The following DSCAML1 variants were observed in gnomAD, a reference collection of about 807,000 sequenced individuals.
DSCAML1 encodes the protein cell adhesion molecule DSCAML1.
A neutral mutation model predicts 200.5 loss-of-function variants in DSCAML1; 38 were observed. That is an observed-to-expected ratio of 0.19 (90% CI 0.15 to 0.25). DSCAML1 has a LOEUF of 0.25. Ranked by LOEUF, DSCAML1 falls within the 10% of genes least tolerant of loss-of-function variation. The pLI is 1.00. For synonymous variants in DSCAML1, 1,215 were observed against 1,165.0 expected (o/e 1.04, Z -0.87); for missense variants, 2,223 against 2,858.8 (o/e 0.78, Z 5.07).
chr11:117,435,708 C>T lies in DSCAML1; in HGVS notation c.4812G>A (p.Leu1604=). 1 of 1,613,338 alleles carries T rather than the reference C, an allele frequency of 6.2e-7. No homozygotes were observed. The highest frequency in any genetic ancestry group is 8.5e-7 in the Non-Finnish European group (1 of 1,179,306). ...TIGCPVILAT[L]GVALLFIVRK... is the part of the protein sequence containing the mutation. ...GTACGATGAAGAGCAGTGCCACCCC[C>T]AGTGTGGCCAGGATGACAGGGCAGC... The change falls in exon 27 of 33, where the codon CTG becomes CTA. Residue 1604 remains leucine, a synonymous_variant. Coordinates refer to ENST00000651296, the MANE Select transcript of DSCAML1 (RefSeq NM_020693.4).
At chr11:117,665,979 C>G (rs1002181217) in intron 3 of DSCAML1, among the ~76,000 whole-genome samples, 1 of 152,236 alleles carries the variant, frequency 6.6e-6, no homozygotes, top group Non-Finnish European at 1.5e-5. Flanking sequence ...CCCTCTCTCT[C>G]TATTGCCTGC....
intron 3 of DSCAML1, among the ~76,000 whole-genome samples, chr11:117,693,494 A>AC (rs928466074): frequency 9.9e-5 from 15 of 151,912 alleles, no homozygotes; most frequent in Admixed American, 3.9e-4. Flanking sequence ...CAAGCCCTGC[A>AC]CCCCCCCATT....
At chr11:117,774,963 C>A (rs556092601) in intron 3 of DSCAML1, among the ~76,000 whole-genome samples, 9 of 152,078 alleles carry the variant, frequency 5.9e-5, no homozygotes, top group African/African-American at 2.2e-4. Flanking sequence ...ATAGTAAGCA[C>A]CCCCCAAATT....
intron 3 of DSCAML1, among the ~76,000 whole-genome samples, chr11:117,598,790 G>C (rs912098717): frequency 2.0e-5 from 3 of 152,152 alleles, no homozygotes; most frequent in African/African-American, 7.2e-5. Context: ...AGTTTGTCAT[G>C]ATCTCAAAAT....
In DSCAML1 at chr11:117,447,570, TAAA is replaced by T. The variant is rs570065790; in HGVS notation, c.3708+2976_3708+2978del. ...TATATGTTTTACAGATTTTCTATAA[TAAA>T]ATTGCATTATTTTTATAATCAGTGA... On this transcript the variant is annotated intron_variant, in intron 20 of 32. Coordinates refer to ENST00000651296, the MANE Select transcript of DSCAML1 (RefSeq NM_020693.4). Among the ~76,000 whole-genome samples, 85 of 152,336 alleles carry T rather than the reference TAAA, an allele frequency of 5.6e-4. 1 individual carries two copies. Among genetic ancestry groups the T allele is most frequent in the African/African-American group, 2.0e-3 (82 of 41,578 alleles).
chr11:117,784,280 A>G (rs982373087), intron 1 of DSCAML1, among the ~76,000 whole-genome samples: 2 of 152,214 alleles, frequency 1.3e-5, no homozygotes, highest in Admixed American at 6.5e-5. Context: ...AGCATTTTGC[A>G]CTTACATTGG....
intron 3 of DSCAML1, among the ~76,000 whole-genome samples, chr11:117,629,882 C>T (rs1284021007): frequency 1.3e-5 from 2 of 152,068 alleles, no homozygotes; most frequent in Non-Finnish European, 2.9e-5. Flanking sequence ...TGCCTGTAGC[C>T]CCAGCTATTC....
At chr11:117,757,552 T>C (rs2137883115) in intron 3 of DSCAML1, among the ~76,000 whole-genome samples, 3 of 147,116 alleles carry the variant, frequency 2.0e-5, no homozygotes, top group Middle Eastern at 6.8e-3. Flanking sequence ...GCATACGCAT[T>C]TTTAACCAAT....
chr11:117,432,019 T>C (rs758169637), intron 30 of DSCAML1, among the ~76,000 whole-genome samples: 3 of 152,152 alleles, frequency 2.0e-5, no homozygotes, highest in Non-Finnish European at 2.9e-5. Flanking sequence ...TGACTGTCCA[T>C]TCATTCCCTA....
At chr11:117,777,725 C>T (rs1833177733) in intron 2 of DSCAML1, among the ~76,000 whole-genome samples, 1 of 152,188 alleles carries the variant, frequency 6.6e-6, no homozygotes. Flanking sequence ...TCCCTTCCCC[C>T]ACCGTGCCCA....
intron 3 of DSCAML1, among the ~76,000 whole-genome samples, chr11:117,535,908 T>TG (rs397699608): frequency 1.0e-3 from 69 of 69,336 alleles, no homozygotes; most frequent in African/African-American, 3.9e-3. Context: ...GGGTGGGGGG[T>TG]GGGGGGCTGA....
At chr11:117,596,664 G>A (rs967065718) in intron 3 of DSCAML1, among the ~76,000 whole-genome samples, 7 of 152,214 alleles carry the variant, frequency 4.6e-5, no homozygotes, top group Non-Finnish European at 7.3e-5. Flanking sequence ...GATGAGGTGT[G>A]GGAGGTGAAG....
intron 3 of DSCAML1, among the ~76,000 whole-genome samples, chr11:117,707,793 A>C (rs1317452369): frequency 6.6e-6 from 1 of 152,088 alleles, no homozygotes; most frequent in African/African-American, 2.4e-5. Flanking sequence ...TCAGCCTCCC[A>C]AAGTGCTGGG....
intron 16 of DSCAML1, among the ~76,000 whole-genome samples, chr11:117,468,650 G>C (rs1315174282): frequency 2.6e-5 from 4 of 152,292 alleles, no homozygotes; most frequent in Non-Finnish European, 5.9e-5. Context: ...GAGGAACCCT[G>C]GCTCCAGGTA....
chr11:117,773,453 A>G (rs528955945), intron 3 of DSCAML1, among the ~76,000 whole-genome samples: 2 of 151,670 alleles, frequency 1.3e-5, no homozygotes, highest in East Asian at 1.9e-4. Flanking sequence ...TCCATCCTCC[A>G]TTAACCTTCA....
At position 117,588,539 on chromosome 11, in the gene DSCAML1, T is replaced by G. The variant is rs186946497; in HGVS notation, c.512-56017A>C. Among the ~76,000 whole-genome samples the G allele has an allele frequency of 3.0e-4, 45 of 152,262 alleles. No individual in the cohort carries two copies. The East Asian group carries it at 8.7e-3, about 29-fold the overall frequency. The stretch of plus-strand genomic sequence containing the variant: ...GAGGGGTGTGAAGCGTTTTGTAGGT[T>G]ATCATGCAAACACACAGGCATCCCG... On this transcript the variant is annotated intron_variant, in intron 3 of 32. Transcript: ENST00000651296.
chr11:117,467,192 CA>C (rs1251950337), intron 16 of DSCAML1, among the ~76,000 whole-genome samples: 87 of 116,464 alleles, frequency 7.5e-4, no homozygotes, highest in African/African-American at 2.6e-3. Context: ...CGTGCACACA[CA>C]CCTCCCCCCT....
chr11:117,480,096 C>T lies in DSCAML1; in HGVS notation c.2785+347G>A, dbSNP rs948580401. Reference sequence around the variant, plus strand: ...AGCACCCATATGACCTGGCCAAACCCGTGATGCTTCTGATGCCAGAGACAG... The same window carrying T: ...AGCACCCATATGACCTGGCCAAACCTGTGATGCTTCTGATGCCAGAGACAG... On this transcript the variant is annotated intron_variant, in intron 14 of 32. Transcript: ENST00000651296. The surrounding 1 kb of genome is among the most constrained non-coding windows in gnomAD (Gnocchi z 4.1). Among the ~76,000 whole-genome samples the T allele has an allele frequency of 6.6e-5, 10 of 152,200 alleles. No individual in the cohort carries two copies. Among genetic ancestry groups the T allele is most frequent in the African/African-American group, 1.7e-4 (7 of 41,452 alleles).
At chr11:117,730,373 G>A (rs925471599) in intron 3 of DSCAML1, among the ~76,000 whole-genome samples, 11 of 152,186 alleles carry the variant, frequency 7.2e-5, no homozygotes, top group African/African-American at 2.4e-4. Context: ...CTCCCCTACA[G>A]CCTCCAGAAA....
Sources: allele counts gnomAD v4.1 joint callset (sites outside exome capture counted in the v4.1 genomes callset), GRCh38; gene constraint gnomAD v4.1.1; non-coding constraint Gnocchi (gnomAD v3.1); transcripts MANE v1.5; gene names NCBI Gene and HGNC (gene_info 2026-07-23, HGNC 2026-07-21).